Variants in CDC42BPA observed in about 807,000 individuals in gnomAD.
The protein encoded by CDC42BPA is CDC42 binding protein kinase alpha.
CDC42BPA carries 80 observed loss-of-function variants against 223.5 expected under a neutral mutation model. The observed-to-expected ratio is 0.36, with a 90% CI of 0.30 to 0.43. CDC42BPA has a LOEUF of 0.43. Among genes scored for constraint, CDC42BPA ranks in the 20% least tolerant of loss-of-function variants. CDC42BPA has a pLI of 1.00. For synonymous variants in CDC42BPA, 694 were observed against 718.6 expected, an observed-to-expected ratio of 0.97 and a Z score of 0.55; for missense variants, 1,743 against 2,099.9, an observed-to-expected ratio of 0.83 and a Z score of 3.32.
chr1:226,997,368 C>T (rs989803682), intron 35 of CDC42BPA, among the ~76,000 whole-genome samples: 3 of 151,896 alleles, frequency 2.0e-5, no homozygotes, highest in South Asian at 2.1e-4. Flanking sequence ...GTCTGGCTAG[C>T]GGCCTATTTT....
intron 15 of CDC42BPA, among the ~76,000 whole-genome samples, chr1:227,093,231 G>A (rs1315458706): frequency 6.6e-6 from 1 of 152,238 alleles, no homozygotes; most frequent in East Asian, 1.9e-4. Context: ...TTTATGACTA[G>A]TCTCAAAGAA....
intron 1 of CDC42BPA, among the ~76,000 whole-genome samples, chr1:227,270,987 A>C (rs939987553): frequency 6.6e-6 from 1 of 152,126 alleles, no homozygotes; most frequent in Non-Finnish European, 1.5e-5. Context: ...GTTAATGAAG[A>C]CTTGGGGTGT....
intron 1 of CDC42BPA, among the ~76,000 whole-genome samples, chr1:227,266,153 T>C (rs1446242049): frequency 6.6e-6 from 1 of 152,220 alleles, no homozygotes. Context: ...TATATGCCAG[T>C]ATAATTGGTA....
chr1:227,317,790 G>C lies in CDC42BPA; in HGVS notation c.-608C>G. ...AAAGGGAGGGGGCGAGGTCCCTGAA[G>C]CAGCCCCTCGGCTCGGAGCACGCCA... On this transcript the variant is annotated 5_prime_UTR_variant, in exon 1 of 37. Coordinates refer to ENST00000366766, the MANE Select transcript of CDC42BPA (RefSeq NM_001394014.1). The C allele has an allele frequency of 2.5e-6, 1 of 398,694 alleles. No individual in the cohort carries two copies. The highest frequency in any genetic ancestry group is 3.6e-5 in the East Asian group (1 of 28,088). 24.7% of individuals were successfully genotyped at this position (398,694 alleles called of 1,614,324 possible).
rs1262240244 is a variant in CDC42BPA at position 227,294,607 on chromosome 1, TCCCAG to T, written c.178+22393_178+22397del. On this transcript the variant is annotated intron_variant, in intron 1 of 36. Transcript: ENST00000366766. ...CGGGCGCGGTGGCTCACGCCTGTAA[TCCCAG>T]CACTTTGGGAGGCCGAGGCGGGCGG... Among the ~76,000 whole-genome samples, 111 of 73,306 alleles carry T rather than the reference TCCCAG, an allele frequency of 1.5e-3. 15 individuals carry two copies. Among genetic ancestry groups the T allele is most frequent in the Non-Finnish European group, 1.6e-3 (57 of 35,098 alleles). 48.1% of individuals were successfully genotyped at this position (73,306 alleles called of 152,430 possible).
intron 10 of CDC42BPA, among the ~76,000 whole-genome samples, chr1:227,137,212 C>G (rs375711817): frequency 5.9e-5 from 9 of 151,998 alleles, no homozygotes; most frequent in African/African-American, 2.2e-4. Context: ...GAACCTCGAA[C>G]CAAAACTTCA....
intron 1 of CDC42BPA, among the ~76,000 whole-genome samples, chr1:227,258,994 C>A (rs1014105927): frequency 1.5e-4 from 22 of 151,128 alleles, no homozygotes; most frequent in Admixed American, 3.3e-4. Context: ...AAATGACATG[C>A]TATTCTGAAT....
At chr1:227,045,230 T>C (rs889157105) in intron 23 of CDC42BPA, among the ~76,000 whole-genome samples, 6 of 152,310 alleles carry the variant, frequency 3.9e-5, no homozygotes, top group South Asian at 2.1e-4. Context: ...TGCAATTTTT[T>C]CCCCCCTGCA....
chr1:227,129,038 G>T, intron 11 of CDC42BPA, 71 bp downstream of exon 11: 1 of 1,058,728 alleles, frequency 9.4e-7, no homozygotes, highest in Non-Finnish European at 1.4e-6. Context: ...CTCAATAGAT[G>T]TTTTTTGTGT....
At chr1:227,194,700 C>CA (rs1216563602) in intron 4 of CDC42BPA, among the ~76,000 whole-genome samples, 1 of 152,126 alleles carries the variant, frequency 6.6e-6, no homozygotes, top group Non-Finnish European at 1.5e-5. Context: ...GCATGTATTA[C>CA]ATATACATGT....
At chr1:226,997,659 CT>C (rs1331033822) in intron 35 of CDC42BPA, among the ~76,000 whole-genome samples, 1 of 152,134 alleles carries the variant, frequency 6.6e-6, no homozygotes, top group African/African-American at 2.4e-5. Context: ...TGTCTTTGTT[CT>C]CATTGGTCTT....
intron 2 of CDC42BPA, among the ~76,000 whole-genome samples, chr1:227,232,717 G>A (rs1678232122): frequency 1.3e-5 from 2 of 152,184 alleles, no homozygotes; most frequent in Non-Finnish European, 2.9e-5. Context: ...AGCAGAGGCT[G>A]CAGAACAGCA....
rs371255547 is a variant in CDC42BPA at position 227,069,901 on chromosome 1, A to G, written c.2828-48T>C. On this transcript the variant is annotated intron_variant, in intron 20 of 36. Transcript: ENST00000366766. ...TTTAAGGCTACAACAATTAAAATTG[A>G]TTTTAATGGATAACCTTCCCTGTCT... 3 of 1,247,620 alleles carry G rather than the reference A, an allele frequency of 2.4e-6. No homozygotes were observed. In the African/African-American group the frequency reaches 4.4e-5, roughly 18 times the overall value. The allele number at this position is 1,247,620 out of a possible 1,614,324, so 77.3% of individuals were successfully genotyped here. A position where few individuals can be genotyped will look rare whatever the true frequency, so the allele number is the denominator to read the frequency against.
chr1:227,202,230 C>G (rs1671906793), intron 3 of CDC42BPA, among the ~76,000 whole-genome samples: 1 of 152,176 alleles, frequency 6.6e-6, no homozygotes, highest in Non-Finnish European at 1.5e-5. Flanking sequence ...GATCCGCCCA[C>G]CTTGGCCTCC....
chr1:227,019,200 A>G (rs531895928), intron 32 of CDC42BPA, among the ~76,000 whole-genome samples: 2 of 152,310 alleles, frequency 1.3e-5, no homozygotes, highest in East Asian at 3.9e-4. Flanking sequence ...TGTTTTTTCA[A>G]CAATGTTCTT....
At position 227,028,788 on chromosome 1, in the gene CDC42BPA, G is replaced by A. The variant is rs1668726249; in HGVS notation, c.4301C>T (p.Ala1434Val). The part of the protein sequence containing the change: ...LSFIAHQPMD[A>V]ICAVEISSKE... Reference sequence around the variant, plus strand: ...ACTGGAGATCTCAACTGCGCAGATAGCATCCATTGGTTGATGTGCAATAAA... The same window carrying A: ...ACTGGAGATCTCAACTGCGCAGATAACATCCATTGGTTGATGTGCAATAAA... The change falls in exon 30 of 37, where the codon GCT (alanine) becomes GTT (valine). Residue 1434 changes from alanine (A) to valine (V), a missense_variant. Physicochemically the swap from Ala to Val is moderately conservative, Grantham distance 64 (BLOSUM62 0). This residue lies in a region of CDC42BPA where 678 missense variants were observed against 777.5 expected (regional missense o/e 0.87). Transcript: ENST00000366766. 1.2e-6 allele frequency: 2 copies of A among 1,613,652 alleles called. No individual in the cohort carries two copies. Among genetic ancestry groups the A allele is most frequent in the East Asian group, 2.2e-5 (1 of 44,898 alleles).
intron 31 of CDC42BPA, among the ~76,000 whole-genome samples, chr1:227,025,147 G>T (rs1282700778): frequency 2.0e-5 from 3 of 152,152 alleles, no homozygotes; most frequent in South Asian, 2.1e-4. Flanking sequence ...GGAGGCAGAG[G>T]TGGGAGAATT....
rs572465403 is a variant in CDC42BPA at position 227,205,303 on chromosome 1, T to C, written c.355-5651A>G. Among the ~76,000 whole-genome samples, 922 of 118,584 alleles carry C rather than the reference T, an allele frequency of 7.8e-3. 5 individuals are homozygous for C. Among genetic ancestry groups the C allele is most frequent in the African/African-American group, 0.022 (715 of 32,488 alleles). 77.8% of individuals were successfully genotyped at this position (118,584 alleles called of 152,430 possible). On this transcript the variant is annotated intron_variant, in intron 3 of 36. Coordinates refer to ENST00000366766, the MANE Select transcript of CDC42BPA (RefSeq NM_001394014.1). ...AAAAAAATATATATATATATATATA[T>C]ATACACACACACACACAGAGAGCCA...
At chr1:227,266,467 A>T (rs553563527) in intron 1 of CDC42BPA, among the ~76,000 whole-genome samples, 10 of 152,326 alleles carry the variant, frequency 6.6e-5, no homozygotes, top group Middle Eastern at 3.4e-3. Flanking sequence ...CTGCCTCAAG[A>T]CTTATTTAGT....
Sources: allele counts gnomAD v4.1 joint callset (sites outside exome capture counted in the v4.1 genomes callset), GRCh38; gene constraint gnomAD v4.1.1; regional missense constraint gnomAD v4.1.1; transcripts MANE v1.5; gene names NCBI Gene and HGNC (gene_info 2026-07-23, HGNC 2026-07-21).